PARN: variants seen among roughly 807,000 people sequenced by gnomAD.
PARN encodes the protein poly(A)-specific ribonuclease.
In PARN, 71 loss-of-function variants were observed where a neutral mutation model predicts 102.8. The observed-to-expected ratio is 0.69, with a 90% CI of 0.57 to 0.84. The LOEUF (loss-of-function observed/expected upper bound fraction) is 0.84. Ranked by LOEUF, PARN falls within the 40% of genes least tolerant of loss-of-function variation. PARN has a pLI of 0.00. For synonymous variants in PARN, 261 were observed against 252.9 expected, an observed-to-expected ratio of 1.03 and a Z score of -0.30; for missense variants, 782 against 760.9, an observed-to-expected ratio of 1.03 and a Z score of -0.33.
At chr16:14,561,601 C>T (rs1280592016) in intron 18 of PARN, among the ~76,000 whole-genome samples, 1 of 152,166 alleles carries the variant, frequency 6.6e-6, no homozygotes, top group African/African-American at 2.4e-5. Context: ...TACTTGAGGC[C>T]TGGAGTTTGA....
At chr16:14,470,433 G>GGATGATGATGATGATGAT (rs150764987) in intron 22 of PARN, among the ~76,000 whole-genome samples, 2 of 124,004 alleles carry the variant, frequency 1.6e-5, no homozygotes, top group Non-Finnish European at 3.2e-5. Context: ...CTTAGAGTTT[G>GGATGATGATGATGATGAT]GATGATTATT....
At chr16:14,560,891 C>T (rs1968015309) in intron 18 of PARN, among the ~76,000 whole-genome samples, 1 of 152,226 alleles carries the variant, frequency 6.6e-6, no homozygotes, top group South Asian at 2.1e-4. Context: ...CGCGGTGGCT[C>T]ACGCCTATAA....
chr16:14,629,354 A>G, intron 2 of PARN, among the ~76,000 whole-genome samples: 1 of 152,222 alleles, frequency 6.6e-6, no homozygotes, highest in East Asian at 1.9e-4. Flanking sequence ...GCACTGTTTT[A>G]AGCAGCATCA....
Position 14,610,723 on chromosome 16 carries a change from G to A in PARN, c.475C>T (p.Leu159=), listed in dbSNP as rs898149990. 5 of 1,604,224 alleles carry A rather than the reference G, an allele frequency of 3.1e-6. No individual in the cohort carries two copies. Among genetic ancestry groups the A allele is most frequent in the Non-Finnish European group, 4.3e-6 (5 of 1,171,114 alleles). ...KRSQANGAGA[L]SYVSPNTSKC... ...GAAGTGTTAGGAGATACATAGGACAGAGCTCCTGCACCATTCGCCTGTGAA... is the reference window on the plus strand; with the variant it reads ...GAAGTGTTAGGAGATACATAGGACAAAGCTCCTGCACCATTCGCCTGTGAA... Residue 159 remains leucine, a synonymous_variant, in exon 7 of 24, where the codon CTG becomes TTG. Transcript: ENST00000437198.
At chr16:14,601,256 A>G (rs1970848515) in intron 11 of PARN, among the ~76,000 whole-genome samples, 1 of 152,118 alleles carries the variant, frequency 6.6e-6, no homozygotes, top group Admixed American at 6.5e-5. Context: ...TAGCCACACA[A>G]TGGAATATTA....
intron 23 of PARN, among the ~76,000 whole-genome samples, chr16:14,441,384 T>A (rs1016514643): frequency 6.6e-6 from 1 of 152,200 alleles, no homozygotes; most frequent in Non-Finnish European, 1.5e-5. Flanking sequence ...ATGGAGAAAC[T>A]TGAAGGGGTA....
intron 2 of PARN, 85 bp downstream of exon 2, chr16:14,629,512 G>A: frequency 1.0e-6 from 1 of 979,816 alleles, no homozygotes; most frequent in Non-Finnish European, 1.6e-6. Flanking sequence ...CCACCACCAA[G>A]CATAAGAAGT....
chr16:14,501,334 G>T (rs957024717), intron 21 of PARN, among the ~76,000 whole-genome samples: 8 of 145,572 alleles, frequency 5.5e-5, no homozygotes, highest in Admixed American at 1.4e-4. Flanking sequence ...TTAGTCTGGA[G>T]TGGTGGTGTG....
intron 21 of PARN, among the ~76,000 whole-genome samples, chr16:14,532,018 G>A (rs1400874261): frequency 2.0e-5 from 3 of 151,900 alleles, no homozygotes; most frequent in African/African-American, 7.3e-5. Context: ...AGCTATGATC[G>A]CACTGCTGTA....
intron 3 of PARN, 113 bp downstream of exon 3, chr16:14,628,059 G>T: frequency 1.4e-6 from 1 of 714,130 alleles, no homozygotes; most frequent in Non-Finnish European, 2.4e-6. Flanking sequence ...GGTTTGAGGA[G>T]AAAATACTGC....
chr16:14,576,839 T>C (rs1467231002), intron 18 of PARN, among the ~76,000 whole-genome samples: 1 of 152,176 alleles, frequency 6.6e-6, no homozygotes, highest in Non-Finnish European at 1.5e-5. Context: ...AATGGCACCA[T>C]GCAAAACCCT....
chr16:14,588,870 G>C (rs573502619), intron 13 of PARN, among the ~76,000 whole-genome samples: 1 of 151,156 alleles, frequency 6.6e-6, no homozygotes, highest in Non-Finnish European at 1.5e-5. Flanking sequence ...GACAGAGTGA[G>C]ACTCTGTCTC....
chr16:14,487,228 A>C (rs999896178), intron 21 of PARN, among the ~76,000 whole-genome samples: 1 of 152,254 alleles, frequency 6.6e-6, no homozygotes. Context: ...AGCTTGCCTG[A>C]GGTCTTGTAG....
chr16:14,470,156 T>C (rs1317519002), intron 22 of PARN, among the ~76,000 whole-genome samples: 1 of 152,196 alleles, frequency 6.6e-6, no homozygotes, highest in Non-Finnish European at 1.5e-5. Flanking sequence ...AAAGGTCATA[T>C]AAGTATAAGG....
At chr16:14,515,228 A>C (rs1965403077) in intron 21 of PARN, among the ~76,000 whole-genome samples, 1 of 152,108 alleles carries the variant, frequency 6.6e-6, no homozygotes, top group Non-Finnish European at 1.5e-5. Flanking sequence ...CTCCTGCCTC[A>C]ATCTCCTGAG....
Position 14,597,753 on chromosome 16 carries a change from C to G in PARN, c.840+2151G>C, listed in dbSNP as rs191914569. Reference sequence around the variant, plus strand: ...AACCATCATTTCTGTGGTATTCTTGCCAAACCATATATCCTCAAATCAGTC... The same window carrying G: ...AACCATCATTTCTGTGGTATTCTTGGCAAACCATATATCCTCAAATCAGTC... On this transcript the variant is annotated intron_variant, in intron 12 of 23. Transcript: ENST00000437198. Among the ~76,000 whole-genome samples, 6 of 152,150 alleles carry G rather than the reference C, an allele frequency of 3.9e-5. No individual in the cohort carries two copies. In the East Asian group the frequency reaches 1.2e-3, roughly 29 times the overall value.
At chr16:14,577,915 G>A (rs1003393179) in intron 18 of PARN, among the ~76,000 whole-genome samples, 19 of 151,648 alleles carry the variant, frequency 1.3e-4, no homozygotes, top group Admixed American at 2.6e-4. Flanking sequence ...TGATCCGCCC[G>A]CCTCAGCCTC....
chr16:14,566,233 T>G (rs1011007218), intron 18 of PARN, among the ~76,000 whole-genome samples: 3 of 152,194 alleles, frequency 2.0e-5, no homozygotes, highest in Admixed American at 1.3e-4. Flanking sequence ...TATCTGGGAT[T>G]GATGATATTA....
At chr16:14,555,567 T>G in intron 19 of PARN, 87 bp downstream of exon 19, 1 of 591,028 alleles carries the variant, frequency 1.7e-6, no homozygotes, top group Non-Finnish European at 2.8e-6. Flanking sequence ...TGAAAAAAGC[T>G]TTTTCTTTAG....
Sources: gnomAD v4.1 joint callset for allele counts (sites outside exome capture counted in the v4.1 genomes callset) on GRCh38, gnomAD v4.1.1 for gene constraint, MANE v1.5 for transcripts, NCBI Gene and HGNC (gene_info 2026-07-23, HGNC 2026-07-21) for gene names.